Variants in CDH6 observed in about 807,000 individuals in gnomAD.
The protein encoded by CDH6 is cadherin-6.
In CDH6, 31 loss-of-function variants were observed where a neutral mutation model predicts 78.0. That is an observed-to-expected ratio of 0.40 (90% CI 0.30 to 0.54). The LOEUF (loss-of-function observed/expected upper bound fraction) is 0.54, where lower values mean the gene tolerates loss of function less well. Ranked by LOEUF, CDH6 falls within the 20% of genes least tolerant of loss-of-function variation. The pLI, the probability that CDH6 is intolerant of heterozygous loss-of-function variation, is 0.56. For synonymous variants in CDH6, 376 were observed against 368.8 expected, an observed-to-expected ratio of 1.02 and a Z score of -0.23; for missense variants, 724 against 975.9, an observed-to-expected ratio of 0.74 and a Z score of 3.44.
At chr5:31,320,097 G>A (rs2149961207) in intron 11 of CDH6, among the ~76,000 whole-genome samples, 1 of 152,282 alleles carries the variant, frequency 6.6e-6, no homozygotes, top group South Asian at 2.1e-4. Context: ...GGGAGACTCA[G>A]TTCCTGCTGA....
In CDH6 at chr5:31,297,421, G is replaced by C; in HGVS notation, c.643+13G>C. The C allele has an allele frequency of 6.3e-7, 1 of 1,578,734 alleles. No homozygotes were observed. On this transcript the variant is annotated intron_variant, in intron 4 of 11. Transcript: ENST00000265071. The stretch of plus-strand genomic sequence containing the variant: ...GAATCAGAAACAGGTTAGACTTTTT[G>C]ATCTTCCTTTTTATAATCTATAATT...
chr5:31,195,277 G>A (rs1183164239), intron 1 of CDH6, among the ~76,000 whole-genome samples: 1 of 152,018 alleles, frequency 6.6e-6, no homozygotes, highest in Non-Finnish European at 1.5e-5. Flanking sequence ...TCAAAATGTG[G>A]GCTTTCTGAG....
intron 7 of CDH6, among the ~76,000 whole-genome samples, chr5:31,306,832 G>T (rs1173220979): frequency 6.6e-6 from 1 of 152,144 alleles, no homozygotes; most frequent in Non-Finnish European, 1.5e-5. Flanking sequence ...GGAAAATAAG[G>T]CAGAATAAGG....
chr5:31,294,264 A>C lies in CDH6; in HGVS notation c.523+8A>C. ...CTGAAATGTCTGATGTCGGTGAGTGAGACGTGACTTCAGCCAAAAGCTGGC... is the reference window on the plus strand; with the variant it reads ...CTGAAATGTCTGATGTCGGTGAGTGCGACGTGACTTCAGCCAAAAGCTGGC... On this transcript the variant is annotated splice_region_variant and intron_variant, in intron 3 of 11. Transcript: ENST00000265071. The surrounding 1 kb of genome is among the most constrained non-coding windows in gnomAD (Gnocchi z 4.1). 6.2e-7 allele frequency: 1 copy of C among 1,603,830 alleles called. No individual in the cohort carries two copies. Among genetic ancestry groups the C allele is most frequent in the African/African-American group, 1.3e-5 (1 of 74,658 alleles).
intron 1 of CDH6, among the ~76,000 whole-genome samples, chr5:31,228,371 T>C (rs1022468313): frequency 2.6e-5 from 4 of 152,196 alleles, no homozygotes; most frequent in Non-Finnish European, 5.9e-5. Context: ...TTCTGCCTGC[T>C]GCAGATCCCC....
rs1218989109 is a variant in CDH6, at chr5:31,326,686, T to A, written c.*3378T>A. ...GTTGTGCAGAAAATCTTAAAATTTT[T>A]TTTTTTTTTTTTTTTTTTTTTTTGA... On this transcript the variant is annotated 3_prime_UTR_variant, in exon 12 of 12. Transcript: ENST00000265071. 3.0e-5 allele frequency: 4 copies of A among 133,732 alleles called. No homozygotes were observed. The highest frequency in any genetic ancestry group is 1.7e-4 in the African/African-American group (4 of 23,982). 8.3% of individuals were successfully genotyped at this position (133,732 alleles called of 1,614,324 possible). A position where few individuals can be genotyped will look rare whatever the true frequency, so the allele number is the denominator to read the frequency against.
chr5:31,291,295 A>G (rs2330701), intron 2 of CDH6, among the ~76,000 whole-genome samples: 67,063 of 152,046 alleles, frequency 0.44, 17,653 homozygotes, highest in East Asian at 0.59. Context: ...AAAGTTCTCA[A>G]AAGTCAAAAT....
At chr5:31,256,828 G>A (rs1356271980) in intron 1 of CDH6, among the ~76,000 whole-genome samples, 2 of 152,098 alleles carry the variant, frequency 1.3e-5, no homozygotes, top group Non-Finnish European at 2.9e-5. Flanking sequence ...CCGCCTCTGT[G>A]TTTCTAAACA....
intron 6 of CDH6, among the ~76,000 whole-genome samples, chr5:31,304,702 A>T (rs1016284713): frequency 6.6e-6 from 1 of 151,440 alleles, no homozygotes; most frequent in Non-Finnish European, 1.5e-5. Flanking sequence ...AAAAAAAAAA[A>T]AAAGCCAGAT....
intron 2 of CDH6, among the ~76,000 whole-genome samples, chr5:31,280,290 C>G (rs914114634): frequency 2.0e-5 from 3 of 152,170 alleles, no homozygotes; most frequent in Non-Finnish European, 2.9e-5. Flanking sequence ...AATATTGTCT[C>G]GCATTGTGTC....
chr5:31,233,518 A>AT (rs2111858117), intron 1 of CDH6, among the ~76,000 whole-genome samples: 1 of 23,306 alleles, frequency 4.3e-5, no homozygotes, highest in East Asian at 5.6e-4. Flanking sequence ...CTGTCTCAAA[A>AT]AAAAAAAACA....
chr5:31,316,842 CA>C (rs1738340212), intron 9 of CDH6, among the ~76,000 whole-genome samples: 2 of 152,148 alleles, frequency 1.3e-5, no homozygotes, highest in Non-Finnish European at 2.9e-5. Context: ...AGTACATGTG[CA>C]AGTAGAAAGC....
chr5:31,219,977 C>G (rs886432044), intron 1 of CDH6, among the ~76,000 whole-genome samples: 3 of 152,148 alleles, frequency 2.0e-5, no homozygotes, highest in Admixed American at 2.0e-4. Flanking sequence ...TCGTTTAAGT[C>G]TTAAATGGGG....
chr5:31,299,014 C>T (rs1737682761), intron 4 of CDH6, among the ~76,000 whole-genome samples: 2 of 152,168 alleles, frequency 1.3e-5, no homozygotes, highest in South Asian at 4.1e-4. Flanking sequence ...ATGGGAAACT[C>T]AACAGTCAGT....
chr5:31,323,155 T>C lies in CDH6; in HGVS notation c.2220T>C (p.Tyr740=), dbSNP rs2149962469. The C allele has an allele frequency of 1.2e-6, 2 of 1,614,180 alleles. No individual in the cohort carries two copies. The highest frequency in any genetic ancestry group is 8.5e-7 in the Non-Finnish European group (1 of 1,180,018). ...PPYDSLATYA[Y]EGTGSVADSL... is the part of the protein sequence containing the mutation. Reference sequence around the variant, plus strand: ...ACGACTCCTTGGCCACTTACGCCTATGAAGGCACTGGCTCCGTGGCGGATT... The same window carrying C: ...ACGACTCCTTGGCCACTTACGCCTACGAAGGCACTGGCTCCGTGGCGGATT... The change falls in exon 12 of 12, where the codon TAT becomes TAC. Residue 740 remains tyrosine (Y), a synonymous_variant. Coordinates refer to ENST00000265071, the MANE Select transcript of CDH6 (RefSeq NM_004932.4).
chr5:31,313,554 A>C, intron 8 of CDH6, 100 bp downstream of exon 8: 1 of 1,125,990 alleles, frequency 8.9e-7, no homozygotes, highest in East Asian at 2.4e-5. Context: ...TGACAATCCC[A>C]CTTGATATAT....
intron 1 of CDH6, among the ~76,000 whole-genome samples, chr5:31,255,554 T>A (rs909181907): frequency 6.6e-6 from 1 of 152,192 alleles, no homozygotes. Context: ...ATTAAGGCAA[T>A]CAAAATTGAT....
intron 1 of CDH6, among the ~76,000 whole-genome samples, chr5:31,201,628 G>A (rs72749633): frequency 0.03 from 4,565 of 152,192 alleles, 91 homozygotes; most frequent in African/African-American, 0.05. Context: ...GTAACTCAAT[G>A]TCAATCCTCT....
intron 1 of CDH6, among the ~76,000 whole-genome samples, chr5:31,225,039 C>A (rs1358956312): frequency 1.3e-5 from 2 of 152,118 alleles, no homozygotes; most frequent in African/African-American, 4.8e-5. Flanking sequence ...CTACTGGTGT[C>A]TAACAGGTAG....
Sources: gnomAD v4.1 joint callset for allele counts (sites outside exome capture counted in the v4.1 genomes callset) on GRCh38, gnomAD v4.1.1 for gene constraint, Gnocchi (gnomAD v3.1) non-coding constraint, MANE v1.5 for transcripts, NCBI Gene and HGNC (gene_info 2026-07-23, HGNC 2026-07-21) for gene names.